UBE2C: variants seen among roughly 807,000 people sequenced by gnomAD.
UBE2C encodes the protein ubiquitin conjugating enzyme E2 C.
In UBE2C, 16 loss-of-function variants were observed where a neutral mutation model predicts 23.5. That is an observed-to-expected ratio of 0.68 (90% CI 0.46 to 1.03). The LOEUF is 1.03. Ranked by LOEUF, UBE2C falls within the 50% of genes least tolerant of loss-of-function variation. The pLI is 0.00. For synonymous variants in UBE2C, 76 were observed against 91.6 expected (o/e 0.83, Z 0.97); for missense variants, 192 against 227.6 (o/e 0.84, Z 1.01).
chr20:45,815,769 C>T (rs536559718), intron 4 of UBE2C, 24 bp downstream of exon 4: 1 of 1,611,952 alleles, frequency 6.2e-7, no homozygotes, highest in East Asian at 2.2e-5. Context: ...CCACCCCTCC[C>T]CTCCATGCAA....
rs955166544 is a variant in UBE2C, at chr20:45,816,744, C to T, written c.517C>T (p.Gln173Ter). 54 of 1,613,632 alleles carry T rather than the reference C, an allele frequency of 3.3e-5. No individual in the cohort carries two copies. Among genetic ancestry groups the T allele is most frequent in the Non-Finnish European group, 4.4e-5 (52 of 1,179,754 alleles). The stretch of plus-strand genomic sequence containing the variant: ...GTACCTGCAAGAAACCTACTCAAAG[C>T]AGGTCACCAGCCAGGAGCCCTGACC... Reference protein sequence around the residue: ...KKYLQETYSKQVTSQEP With the variant: ...KKYLQETYSK The change falls in exon 6 of 6, where the codon CAG (glutamine) becomes TAG (stop). Residue 173 changes from glutamine (Q) to a stop codon, truncating the protein, a stop_gained. Coordinates refer to ENST00000356455, the MANE Select transcript of UBE2C (RefSeq NM_007019.4). LOFTEE classifies it high-confidence loss of function.
At chr20:45,814,126 CAA>C (rs1239233571) in intron 2 of UBE2C, among the ~76,000 whole-genome samples, 6 of 90,428 alleles carry the variant, frequency 6.6e-5, no homozygotes, top group East Asian at 2.6e-4. Context: ...CTCTCTCTCT[CAA>C]TCTCTCTCTC....
chr20:45,813,902 C>G (rs921747932), intron 2 of UBE2C, among the ~76,000 whole-genome samples: 7 of 151,980 alleles, frequency 4.6e-5, no homozygotes, highest in Non-Finnish European at 7.4e-5. Context: ...GTCAGGAGTT[C>G]GAGACCAGCC....
rs3080107 is a variant in UBE2C, at chr20:45,814,271, C to CATATATATATATATATATATATAT, written c.130-107_130-84dup. 110 of 391,482 alleles carry CATATATATATATATATATATATAT rather than the reference C, an allele frequency of 2.8e-4. 2 individuals carry two copies. The highest frequency in any genetic ancestry group is 8.5e-4 in the African/African-American group (34 of 39,816). The allele number at this position is 391,482 out of a possible 1,614,324, so 24.3% of individuals were successfully genotyped here. ...ATATATGTGTGTGTGTGTATGTGAG[C>CATATATATATATATATATATATAT]ATATATATATATATATATATATATA... On this transcript the variant is annotated intron_variant, in intron 2 of 5. Coordinates refer to ENST00000356455, the MANE Select transcript of UBE2C (RefSeq NM_007019.4).
At chr20:45,813,533 C>CT (rs1386995081) in intron 2 of UBE2C, 69 bp downstream of exon 2, 11 of 1,607,558 alleles carry the variant, frequency 6.8e-6, no homozygotes, top group African/African-American at 1.3e-5. Context: ...TTTCCGTCAG[C>CT]TTTTTTGCTA....
chr20:45,816,302 C>T (rs867168834), intron 5 of UBE2C, among the ~76,000 whole-genome samples: 3 of 152,280 alleles, frequency 2.0e-5, no homozygotes, highest in Middle Eastern at 3.4e-3. Flanking sequence ...CCACCTCCTC[C>T]GACCTTTGCA....
intron 5 of UBE2C, among the ~76,000 whole-genome samples, chr20:45,816,142 G>A (rs1273811059): frequency 1.3e-5 from 2 of 152,228 alleles, no homozygotes; most frequent in African/African-American, 2.4e-5. Context: ...AATTATTGGT[G>A]AGACCAAGGC....
intron 3 of UBE2C, 35 bp from the exon 4 acceptor site, chr20:45,815,506 G>T (rs375815317): frequency 1.2e-6 from 2 of 1,614,174 alleles, no homozygotes; most frequent in African/African-American, 2.7e-5. Context: ...GGCTGCTGCT[G>T]GAGCTTACTC....
intron 1 of UBE2C, 98 bp from the exon 2 acceptor site, chr20:45,813,339 C>CA (rs1373709617): frequency 6.2e-7 from 1 of 1,609,444 alleles, no homozygotes; most frequent in Non-Finnish European, 8.5e-7. Context: ...GGGGAGCCTC[C>CA]ATGACGGCTC....
At chr20:45,815,413 C>T (rs1465932578) in intron 3 of UBE2C, 128 bp from the exon 4 acceptor site, 1 of 1,612,106 alleles carries the variant, frequency 6.2e-7, no homozygotes, top group Admixed American at 1.7e-5. Context: ...TCAGAACCAG[C>T]TCAACAGTTT....
At chr20:45,812,891 C>T (rs937038751) in intron 1 of UBE2C, 95 bp downstream of exon 1, 6 of 1,454,204 alleles carry the variant, frequency 4.1e-6, no homozygotes, top group Non-Finnish European at 5.4e-6. Flanking sequence ...GCCGCCACCT[C>T]CTGGAGCGGG....
intron 5 of UBE2C, 26 bp from the exon 6 acceptor site, chr20:45,816,683 A>G (rs748253814): frequency 6.2e-7 from 1 of 1,608,534 alleles, no homozygotes; most frequent in East Asian, 2.2e-5. Context: ...TCCATCACTC[A>G]CTGAGACCTG....
intron 3 of UBE2C, among the ~76,000 whole-genome samples, chr20:45,814,963 G>A (rs934777010): frequency 7.9e-5 from 9 of 113,998 alleles, no homozygotes; most frequent in African/African-American, 1.4e-4. Context: ...CTCAGCCTCC[G>A]AGTAGCTGGG....
Position 45,815,602 on chromosome 20 carries a change from C to T in UBE2C, c.278C>T (p.Ala93Val). 11 of 1,614,100 alleles carry T rather than the reference C, an allele frequency of 6.8e-6. No homozygotes were observed. Among genetic ancestry groups the T allele is most frequent in the Non-Finnish European group, 9.3e-6 (11 of 1,180,026 alleles). ...LEFPSGYPYN[A>V]PTVKFLTPCY... ...TTCCCCAGTGGCTACCCTTACAATG[C>T]GCCCACAGTGAAGTTCCTCACGCCC... Residue 93 changes from alanine (A) to valine (V), a missense_variant, in exon 4 of 6, where the codon GCG (alanine) becomes GTG (valine). By Grantham distance (64) the Ala-to-Val change is moderately conservative. Coordinates refer to ENST00000356455, the MANE Select transcript of UBE2C (RefSeq NM_007019.4).
chr20:45,816,054 C>A, intron 5 of UBE2C, 141 bp downstream of exon 5: 1 of 745,992 alleles, frequency 1.3e-6, no homozygotes, highest in Non-Finnish European at 2.2e-6. Context: ...CTGTTTCTGC[C>A]CCAGTGCTCC....
chr20:45,814,287 T>TGC (rs1982265549), intron 2 of UBE2C, 97 bp from the exon 3 acceptor site: 1 of 359,016 alleles, frequency 2.8e-6, no homozygotes, highest in African/African-American at 3.5e-5. Context: ...TATATATATA[T>TGC]ATATATATAT....
At chr20:45,815,082 C>A (rs1432736519) in intron 3 of UBE2C, among the ~76,000 whole-genome samples, 3 of 151,990 alleles carry the variant, frequency 2.0e-5, no homozygotes, top group African/African-American at 7.2e-5. Context: ...CAAGATCCAC[C>A]CGCCTCGGCC....
At chr20:45,814,556 C>T (rs1440380896) in intron 3 of UBE2C, 86 bp downstream of exon 3, 19 of 1,010,914 alleles carry the variant, frequency 1.9e-5, no homozygotes, top group African/African-American at 6.6e-5. Flanking sequence ...AAGCCTTTGG[C>T]GGAGCAAGAC....
In UBE2C at chr20:45,815,901, A is replaced by G. The variant is rs762275535; in HGVS notation, c.469A>G (p.Lys157Glu). Reference protein sequence around the residue: ...PLNTHAAELWKNPTAFKKYLQ... With the variant: ...PLNTHAAELWENPTAFKKYLQ... Reference sequence around the variant, plus strand: ...GAACACACATGCTGCCGAGCTCTGGAAAAACCCCACAGGTGAGTCCTCAGT... The same window carrying G: ...GAACACACATGCTGCCGAGCTCTGGGAAAACCCCACAGGTGAGTCCTCAGT... The change falls in exon 5 of 6, where the codon AAA (lysine) becomes GAA (glutamate). Residue 157 changes from lysine (K) to glutamate (E), a missense_variant. Coordinates refer to ENST00000356455, the MANE Select transcript of UBE2C (RefSeq NM_007019.4). 146 of 1,613,900 alleles carry G rather than the reference A, an allele frequency of 9.0e-5. No homozygotes were observed. Among genetic ancestry groups the G allele is most frequent in the Non-Finnish European group, 1.2e-4 (145 of 1,180,014 alleles).
Sources: allele counts gnomAD v4.1 joint callset (sites outside exome capture counted in the v4.1 genomes callset), GRCh38; gene constraint gnomAD v4.1.1; transcripts MANE v1.5; gene names NCBI Gene and HGNC (gene_info 2026-07-23, HGNC 2026-07-21).